TMEM25: variants seen among roughly 807,000 people sequenced by gnomAD.
TMEM25 encodes the protein 0610039J01Rik.
TMEM25 carries 36 observed loss-of-function variants against 37.0 expected under a neutral mutation model. The observed-to-expected ratio is 0.97, with a 90% CI of 0.75 to 1.28. The LOEUF is 1.28. Ranked by LOEUF, TMEM25 falls within the 50% of genes most tolerant of loss-of-function variation. The pLI is 0.00. For missense variants in TMEM25, 444 were observed against 477.9 expected (o/e 0.93, Z 0.66); for synonymous variants, 197 against 203.7 (o/e 0.97, Z 0.28).
chr11:118,532,197 C>T lies in TMEM25; in HGVS notation c.118C>T (p.Arg40Trp), dbSNP rs1195303940. 1.5e-5 allele frequency: 24 copies of T among 1,602,908 alleles called. No individual in the cohort carries two copies. The highest frequency in any genetic ancestry group is 2.2e-5 in the East Asian group (1 of 44,796). The change falls in exon 3 of 9, where the codon CGG becomes TGG. Residue 40 changes from arginine (R) to tryptophan (W), a missense_variant. Physicochemically the swap from Arg to Trp is moderately radical, Grantham distance 101 (BLOSUM62 -3). Coordinates refer to ENST00000313236, the MANE Select transcript of TMEM25 (RefSeq NM_032780.4). ...PQIDGQTWAE[R>W]ALRENERHAF... ...AATAGATGGTCAGACCTGGGCTGAG[C>T]GGGCACTTCGGGAGAATGAACGCCA...
Position 118,532,889 on chromosome 11 carries a change from G to A in TMEM25, c.383-28G>A, listed in dbSNP as rs781965902. ...CTAGAAGTATGAGGGGCTGTGGTGAGAGCATATTGGCCTCTGCTTTGTACC... is the reference window on the plus strand; with the variant it reads ...CTAGAAGTATGAGGGGCTGTGGTGAAAGCATATTGGCCTCTGCTTTGTACC... On this transcript the variant is annotated intron_variant, in intron 3 of 8. Transcript: ENST00000313236. 2.8e-5 allele frequency: 44 copies of A among 1,594,966 alleles called. No individual in the cohort carries two copies. The South Asian group carries it at 5.0e-4, about 18-fold the overall frequency.
At chr11:118,543,306 G>A (rs1001194423) in intron 8 of TMEM25, among the ~76,000 whole-genome samples, 1 of 152,036 alleles carries the variant, frequency 6.6e-6, no homozygotes, top group Non-Finnish European at 1.5e-5. Flanking sequence ...CTACCCATGT[G>A]TTTATTGTGT....
At chr11:118,532,792 T>C (rs782400474) in intron 3 of TMEM25, 125 bp from the exon 4 acceptor site, 158 of 1,364,716 alleles carry the variant, frequency 1.2e-4, no homozygotes, top group Non-Finnish European at 1.5e-4. Flanking sequence ...GACCCAGCCA[T>C]CCTGTTCCTC....
chr11:118,543,883 T>C (rs1555066373), intron 8 of TMEM25, among the ~76,000 whole-genome samples: 1 of 151,822 alleles, frequency 6.6e-6, no homozygotes, highest in African/African-American at 2.4e-5. Flanking sequence ...CTTAGCTCAC[T>C]GTAACCTCCA....
chr11:118,535,468 G>T lies in TMEM25; in HGVS notation c.*888G>T. ...CGTTTGGCCTTCTGGGATTCACTGT[G>T]AGTGTCCTGAGCTCTCGGGGTTGAT... On this transcript the variant is annotated 3_prime_UTR_variant, in exon 9 of 9. Coordinates refer to ENST00000313236, the MANE Select transcript of TMEM25 (RefSeq NM_032780.4). 2.0e-6 allele frequency: 3 copies of T among 1,508,394 alleles called. No individual in the cohort carries two copies. The highest frequency in any genetic ancestry group is 2.7e-6 in the Non-Finnish European group (3 of 1,128,632). The allele number at this position is 1,508,394 out of a possible 1,614,324, so 93.4% of individuals were successfully genotyped here.
In TMEM25 at chr11:118,532,141, G is replaced by A. The variant is rs1951309831; in HGVS notation, c.71-9G>A. 2.6e-6 allele frequency: 4 copies of A among 1,548,046 alleles called. No homozygotes were observed. Among genetic ancestry groups the A allele is most frequent in the Non-Finnish European group, 3.5e-6 (4 of 1,145,542 alleles). ...GAGCCCTTCCCAGAGGCCTCCTGCT[G>A]TGTTCCAGGTTGGGGGGAGTTGGAG... is the stretch of plus-strand genomic sequence containing the variant. On this transcript the variant is annotated splice_polypyrimidine_tract_variant and intron_variant, in intron 2 of 8. Coordinates refer to ENST00000313236, the MANE Select transcript of TMEM25 (RefSeq NM_032780.4).
chr11:118,539,723 CTTTAT>C (rs1250740828), downstream of TMEM25, among the ~76,000 whole-genome samples: 4 of 151,744 alleles, frequency 2.6e-5, no homozygotes, highest in East Asian at 3.9e-4. Context: ...GTGATTTTTT[CTTTAT>C]TTTAATTTTT....
intron 8 of TMEM25, chr11:118,545,387 C>A: frequency 1.3e-6 from 2 of 1,547,090 alleles, no homozygotes; most frequent in South Asian, 1.1e-5. Flanking sequence ...CAGCTTAAGT[C>A]AACCCCTGAT....
At chr11:118,545,440 AAG>A in intron 8 of TMEM25, 1 of 1,613,712 alleles carries the variant, frequency 6.2e-7, no homozygotes, top group South Asian at 1.1e-5. Context: ...GTAGAGGGAA[AAG>A]AGCAGATGGA....
Position 118,534,195 on chromosome 11 carries a change from T to G in TMEM25, c.937+66T>G. 6.2e-7 allele frequency: 1 copy of G among 1,613,252 alleles called. No individual in the cohort carries two copies. On this transcript the variant is annotated intron_variant, in intron 7 of 8. Transcript: ENST00000313236. The surrounding 1 kb of genome is among the most constrained non-coding windows in gnomAD (Gnocchi z 4.6). ...AGAAGTGCTTCTGAGAAAAAGAACT[T>G]GGTGCTTGGGAGGGGCGAGGCCTCA...
Position 118,534,205 on chromosome 11 carries a change from G to A in TMEM25, c.938-61G>A. Reference sequence around the variant, plus strand: ...CTGAGAAAAAGAACTTGGTGCTTGGGAGGGGCGAGGCCTCATCAGGCACAC... The same window carrying A: ...CTGAGAAAAAGAACTTGGTGCTTGGAAGGGGCGAGGCCTCATCAGGCACAC... On this transcript the variant is annotated intron_variant, in intron 7 of 8. Coordinates refer to ENST00000313236, the MANE Select transcript of TMEM25 (RefSeq NM_032780.4). The surrounding 1 kb of genome is among the most constrained non-coding windows in gnomAD (Gnocchi z 4.6). 6.2e-7 allele frequency: 1 copy of A among 1,613,318 alleles called. No individual in the cohort carries two copies. The highest frequency in any genetic ancestry group is 8.5e-7 in the Non-Finnish European group (1 of 1,179,322).
chr11:118,542,661 C>T (rs1951593719), intron 8 of TMEM25, among the ~76,000 whole-genome samples: 1 of 152,136 alleles, frequency 6.6e-6, no homozygotes, highest in Non-Finnish European at 1.5e-5. Flanking sequence ...TCCTATAATC[C>T]CAGCACTTTG....
chr11:118,540,275 T>TG (rs1379992228), downstream of TMEM25, among the ~76,000 whole-genome samples: 1 of 151,862 alleles, frequency 6.6e-6, no homozygotes, highest in Non-Finnish European at 1.5e-5. Flanking sequence ...TCCATGGCTG[T>TG]GGGGGCTTCT....
chr11:118,534,928 C>CGA lies in TMEM25; in HGVS notation c.*348_*349insGA. 1 of 1,173,394 alleles carries CGA rather than the reference C, an allele frequency of 8.5e-7. No homozygotes were observed. Among genetic ancestry groups the CGA allele is most frequent in the South Asian group, 2.1e-5 (1 of 47,468 alleles). 72.7% of individuals were successfully genotyped at this position (1,173,394 alleles called of 1,614,324 possible). ...AAGTGTGGCATGGCCTGCTGTATAC[C>CGA]CCACCCCAGTACTCCACAGCACCTT... On this transcript the variant is annotated 3_prime_UTR_variant, in exon 9 of 9. Transcript: ENST00000313236. This position sits in a 1 kb window ranked among gnomAD's most constrained non-coding sequence, Gnocchi z 4.6.
rs1951632660 is a variant in TMEM25 at position 118,544,679 on chromosome 11, C to T, written c.1028-1440C>T. 17 of 444,198 alleles carry T rather than the reference C, an allele frequency of 3.8e-5. 1 individual carries two copies. The South Asian group carries it at 6.8e-4, about 18-fold the overall frequency. The allele number at this position is 444,198 out of a possible 1,614,324, so 27.5% of individuals were successfully genotyped here. A position where few individuals can be genotyped will look rare whatever the true frequency, so the allele number is the denominator to read the frequency against. Reference sequence around the variant, plus strand: ...ATCTCAGAAATTCCAATTCTTATAACTCAAATCCCCACAGTGGTGTAGATG... The same window carrying T: ...ATCTCAGAAATTCCAATTCTTATAATTCAAATCCCCACAGTGGTGTAGATG... On this transcript the variant is annotated intron_variant, in intron 8 of 8. Coordinates refer to the TMEM25 transcript ENST00000354284.
intron 1 of TMEM25, 153 bp downstream of exon 1, chr11:118,531,387 G>A (rs1005058299): frequency 5.6e-6 from 2 of 357,574 alleles, no homozygotes; most frequent in Non-Finnish European, 5.2e-6. Flanking sequence ...CAGGAGAGAG[G>A]ATGGGAACAG....
intron 8 of TMEM25, among the ~76,000 whole-genome samples, chr11:118,541,682 T>C (rs1165571999): frequency 6.6e-6 from 1 of 152,144 alleles, no homozygotes; most frequent in Non-Finnish European, 1.5e-5. Context: ...AGGTAGTTTT[T>C]CAACCACTCT....
At chr11:118,535,877 GT>G, downstream of TMEM25, 1 of 1,071,574 alleles carries the variant, frequency 9.3e-7, no homozygotes, top group Non-Finnish European at 1.1e-6. Flanking sequence ...TTTTGTTTTT[GT>G]TTTATTTTGT....
chr11:118,541,247 G>A (rs1591351108), intron 8 of TMEM25, among the ~76,000 whole-genome samples: 1 of 152,170 alleles, frequency 6.6e-6, no homozygotes, highest in East Asian at 1.9e-4. Context: ...CGGATCATGA[G>A]GTCAAGAGAT....
Sources: gnomAD v4.1 joint callset for allele counts (sites outside exome capture counted in the v4.1 genomes callset) on GRCh38, gnomAD v4.1.1 for gene constraint, Gnocchi (gnomAD v3.1) non-coding constraint, MANE v1.5 for transcripts, NCBI Gene and HGNC (gene_info 2026-07-23, HGNC 2026-07-21) for gene names.